Variants in SPOCK1 observed in about 807,000 individuals in gnomAD.
The protein encoded by SPOCK1 is testican-1.
In SPOCK1, 23 loss-of-function variants were observed where a neutral mutation model predicts 55.3. The ratio of observed to expected loss-of-function variants is 0.42; its 90% CI spans 0.30 to 0.59. The LOEUF (loss-of-function observed/expected upper bound fraction) is 0.59. Among genes scored for constraint, SPOCK1 ranks in the 20% least tolerant of loss-of-function variants. The probability of loss-of-function intolerance (pLI) is 0.22; values close to 1 mark genes in which losing one functional copy is unlikely to be tolerated. For missense variants in SPOCK1, 499 were observed against 552.5 expected (o/e 0.90, Z 0.97); for synonymous variants, 226 against 221.0 (o/e 1.02, Z -0.20).
chr5:137,205,133 T>C (rs1246050503), intron 3 of SPOCK1, among the ~76,000 whole-genome samples: 5 of 152,222 alleles, frequency 3.3e-5, no homozygotes, highest in African/African-American at 7.2e-5. Flanking sequence ...CACTAGACTA[T>C]AGGCTTCACA....
At chr5:137,084,728 CAGAAA>C (rs1196973122) in intron 5 of SPOCK1, among the ~76,000 whole-genome samples, 5 of 151,972 alleles carry the variant, frequency 3.3e-5, no homozygotes, top group African/African-American at 9.7e-5. Context: ...AAACAAAAAA[CAGAAA>C]AGAAAAGAGA....
intron 5 of SPOCK1, among the ~76,000 whole-genome samples, chr5:137,089,406 A>AACTC (rs1330887210): frequency 2.6e-5 from 4 of 152,070 alleles, no homozygotes; most frequent in Non-Finnish European, 4.4e-5. Context: ...CCAACATACT[A>AACTC]ACTCACAGGA....
At chr5:137,008,963 C>T (rs143774086) in intron 6 of SPOCK1, among the ~76,000 whole-genome samples, 5 of 152,178 alleles carry the variant, frequency 3.3e-5, no homozygotes, top group East Asian at 3.9e-4. Flanking sequence ...AAGAATGATA[C>T]ACACACATGC....
intron 5 of SPOCK1, among the ~76,000 whole-genome samples, chr5:137,099,214 G>A (rs1753213392): frequency 1.3e-5 from 2 of 152,184 alleles, no homozygotes; most frequent in Admixed American, 6.5e-5. Context: ...GAGGGTACCA[G>A]CATCAAAAAT....
At chr5:137,323,632 G>A (rs1758020053) in intron 2 of SPOCK1, among the ~76,000 whole-genome samples, 1 of 151,622 alleles carries the variant, frequency 6.6e-6, no homozygotes, top group South Asian at 2.1e-4. Context: ...ATAACAGCAA[G>A]AAAACAACCC....
intron 6 of SPOCK1, among the ~76,000 whole-genome samples, chr5:137,024,673 C>T (rs1001519225): frequency 6.6e-6 from 1 of 151,586 alleles, no homozygotes; most frequent in African/African-American, 2.4e-5. Flanking sequence ...AATTGAATAT[C>T]CACTGATCTC....
At chr5:137,024,321 G>GGC (rs372406544) in intron 6 of SPOCK1, among the ~76,000 whole-genome samples, 1 of 146,770 alleles carries the variant, frequency 6.8e-6, no homozygotes, top group East Asian at 2.1e-4. Flanking sequence ...TGAAGGGGGG[G>GGC]GGGTAGTTAC....
intron 4 of SPOCK1, among the ~76,000 whole-genome samples, chr5:137,117,735 A>C (rs1456642576): frequency 6.6e-6 from 1 of 152,082 alleles, no homozygotes; most frequent in Non-Finnish European, 1.5e-5. Context: ...AAAACCATTT[A>C]GCAAAAAATC....
chr5:137,088,681 T>A (rs774862766), intron 5 of SPOCK1, among the ~76,000 whole-genome samples: 14 of 151,972 alleles, frequency 9.2e-5, no homozygotes, highest in Non-Finnish European at 2.1e-4. Flanking sequence ...AAGGTCAGAG[T>A]CCCTGCCCTT....
At chr5:137,227,494 T>C (rs1468488984) in intron 3 of SPOCK1, among the ~76,000 whole-genome samples, 2 of 152,232 alleles carry the variant, frequency 1.3e-5, no homozygotes, top group African/African-American at 4.8e-5. Context: ...ATCCTCTGGC[T>C]CTGGTATGCT....
chr5:137,230,933 G>T (rs1402881686), intron 3 of SPOCK1, among the ~76,000 whole-genome samples: 1 of 144,208 alleles, frequency 6.9e-6, no homozygotes, highest in Non-Finnish European at 1.5e-5. Context: ...TTGTGTATGT[G>T]TGTGTATGTA....
At chr5:137,257,105 C>A (rs527867805) in intron 3 of SPOCK1, among the ~76,000 whole-genome samples, 18 of 152,326 alleles carry the variant, frequency 1.2e-4, no homozygotes, top group African/African-American at 3.8e-4. Context: ...GTTACTGCAT[C>A]AGGCCCATCT....
chr5:137,259,688 T>TAAAAAAAAAA (rs61576266), intron 3 of SPOCK1, among the ~76,000 whole-genome samples: 5 of 130,224 alleles, frequency 3.8e-5, no homozygotes, highest in East Asian at 2.2e-4. Flanking sequence ...CACATGAAAG[T>TAAAAAAAAAA]AAAAAAAAAA....
At chr5:137,078,772 C>G (rs1249313010) in intron 5 of SPOCK1, among the ~76,000 whole-genome samples, 1 of 152,168 alleles carries the variant, frequency 6.6e-6, no homozygotes, top group Non-Finnish European at 1.5e-5. Flanking sequence ...CCTCCATACC[C>G]CAAAGCCCAC....
intron 6 of SPOCK1, among the ~76,000 whole-genome samples, chr5:137,065,881 G>C (rs1752498571): frequency 6.6e-6 from 1 of 152,184 alleles, no homozygotes; most frequent in East Asian, 1.9e-4. Flanking sequence ...GTAAGAATCT[G>C]TTCTCATTTT....
intron 2 of SPOCK1, among the ~76,000 whole-genome samples, chr5:137,294,251 A>G (rs896125970): frequency 2.6e-5 from 4 of 152,222 alleles, no homozygotes; most frequent in Admixed American, 6.5e-5. Flanking sequence ...GCTGTACTAG[A>G]TCATATTTAT....
At chr5:137,010,046 G>C (rs894681158) in intron 6 of SPOCK1, among the ~76,000 whole-genome samples, 2 of 152,090 alleles carry the variant, frequency 1.3e-5, no homozygotes, top group Non-Finnish European at 2.9e-5. Flanking sequence ...CATCCAAGAA[G>C]AGTCTACCTC....
At chr5:137,422,923 C>G (rs183543601) in intron 2 of SPOCK1, among the ~76,000 whole-genome samples, 1,530 of 152,200 alleles carry the variant, frequency 0.01, 20 homozygotes, top group Middle Eastern at 0.031. Flanking sequence ...GTTTTATCTA[C>G]CTTTGGTCTT....
intron 2 of SPOCK1, among the ~76,000 whole-genome samples, chr5:137,292,744 A>C (rs1420161273): frequency 6.8e-6 from 1 of 147,254 alleles, no homozygotes; most frequent in Non-Finnish European, 1.5e-5. Flanking sequence ...CTGTAGATAC[A>C]CATCCTAACT....
Sources: gnomAD v4.1 joint callset for allele counts (sites outside exome capture counted in the v4.1 genomes callset) on GRCh38, gnomAD v4.1.1 for gene constraint, MANE v1.5 for transcripts, NCBI Gene and HGNC (gene_info 2026-07-23, HGNC 2026-07-21) for gene names.